Variants in DARS2 observed in about 807,000 individuals in gnomAD.
DARS2 encodes the protein aspartate--tRNA ligase, mitochondrial.
Under a neutral mutation model 83.0 loss-of-function variants are expected in DARS2, and 63 were observed. The ratio of observed to expected loss-of-function variants is 0.76; its 90% confidence interval spans 0.62 to 0.94. The LOEUF (loss-of-function observed/expected upper bound fraction) is 0.94. Ranked by LOEUF, DARS2 falls within the 40% of genes least tolerant of loss-of-function variation. DARS2 has a pLI of 0.00. For missense variants in DARS2, 675 were observed against 774.4 expected, an observed-to-expected ratio of 0.87 and a Z score of 1.52; for synonymous variants, 250 against 269.3, an observed-to-expected ratio of 0.93 and a Z score of 0.70.
At position 173,832,694 on chromosome 1, in the gene DARS2, G is replaced by A. The variant is rs964976855; in HGVS notation, c.493-682G>A. 1.3e-4 allele frequency among the ~76,000 whole-genome samples: 19 copies of A among 151,298 alleles called. No homozygotes were observed. In the South Asian group the frequency reaches 1.5e-3, roughly 12 times the overall value. ...TGAGGCAGGAGAATCGCTTGAACCCGGGAGGCAGAGGTTGCAGTGAGCCGA... is the reference window on the plus strand; with the variant it reads ...TGAGGCAGGAGAATCGCTTGAACCCAGGAGGCAGAGGTTGCAGTGAGCCGA... On this transcript the variant is annotated intron_variant, in intron 5 of 16. Coordinates refer to ENST00000649689, the MANE Select transcript of DARS2 (RefSeq NM_018122.5).
intron 4 of DARS2, among the ~76,000 whole-genome samples, chr1:173,831,082 A>C (rs889024309): frequency 6.6e-6 from 1 of 151,994 alleles, no homozygotes; most frequent in South Asian, 2.1e-4. Flanking sequence ...ACGCCCAGCT[A>C]ATTTTTATAT....
intron 15 of DARS2, among the ~76,000 whole-genome samples, chr1:173,854,969 G>A (rs1163784175): frequency 2.6e-5 from 4 of 152,134 alleles, no homozygotes; most frequent in African/African-American, 7.2e-5. Context: ...AGAGAGTCTG[G>A]TCCTAAAAGA....
chr1:173,855,817 ATTT>A (rs57005267), intron 15 of DARS2, among the ~76,000 whole-genome samples: 6 of 139,780 alleles, frequency 4.3e-5, no homozygotes, highest in South Asian at 2.3e-4. Context: ...CACGCCCAGC[ATTT>A]TTTTTTTTTT....
intron 7 of DARS2, among the ~76,000 whole-genome samples, chr1:173,834,744 T>TG (rs60713728): frequency 1.3e-4 from 17 of 127,804 alleles, no homozygotes; most frequent in African/African-American, 6.4e-4. Flanking sequence ...TTTTTTTTTT[T>TG]TTTTTTTTTT....
chr1:173,830,717 G>T lies in DARS2; in HGVS notation c.352G>T (p.Val118Leu), dbSNP rs1408671679. 1 of 1,614,062 alleles carries T rather than the reference G, an allele frequency of 6.2e-7. No homozygotes were observed. The highest frequency in any genetic ancestry group is 1.7e-4 in the Middle Eastern group (1 of 6,060). ...AGCCCCTGTGGAATCTGTGGTGCAA[G>T]TGTCTGGTACAGTCATTTCCCGTCC... ...CEAPVESVVQVSGTVISRPAG... is the reference protein window; with the variant it reads ...CEAPVESVVQLSGTVISRPAG... Residue 118 changes from valine to leucine, a missense_variant, in exon 4 of 17, where the codon GTG (valine) becomes TTG (leucine). Coordinates refer to ENST00000649689, the MANE Select transcript of DARS2 (RefSeq NM_018122.5).
At chr1:173,831,985 G>A (rs1049849035) in intron 5 of DARS2, among the ~76,000 whole-genome samples, 1 of 152,138 alleles carries the variant, frequency 6.6e-6, no homozygotes, top group Non-Finnish European at 1.5e-5. Flanking sequence ...TGGGACAGGG[G>A]ATCCTGTATC....
rs1057524364 is a variant in DARS2 at position 173,853,359 on chromosome 1, T to G, written c.1355T>G (p.Leu452Ter). The part of the protein sequence containing the change: ...AGEHNKACSL[L>*]GKLRLECADL... ...GTCTTCTGTTTGCAGTGCTCTTTGT[T>G]AGGAAAATTACGACTGGAATGTGCT... The change falls in exon 14 of 17, where the codon TTA (leucine) becomes TGA (stop). Residue 452 changes from leucine to a stop codon, truncating the protein, a stop_gained. Coordinates refer to ENST00000649689, the MANE Select transcript of DARS2 (RefSeq NM_018122.5). LOFTEE classifies it high-confidence loss of function. 1 of 1,613,668 alleles carries G rather than the reference T, an allele frequency of 6.2e-7. No individual in the cohort carries two copies. The highest frequency in any genetic ancestry group is 2.2e-5 in the East Asian group (1 of 44,866).
chr1:173,844,860 C>A (rs941399846), intron 11 of DARS2, among the ~76,000 whole-genome samples: 20 of 120,962 alleles, frequency 1.7e-4, no homozygotes, highest in African/African-American at 6.0e-4. Context: ...GTGGCACAAT[C>A]TCGGCTCACT....
chr1:173,831,017 A>G (rs1470431060), intron 4 of DARS2, among the ~76,000 whole-genome samples: 3 of 152,162 alleles, frequency 2.0e-5, no homozygotes, highest in African/African-American at 7.2e-5. Flanking sequence ...CCTGGGTTCA[A>G]GTGATTCTCC....
intron 11 of DARS2, among the ~76,000 whole-genome samples, 175 bp downstream of exon 11, chr1:173,841,148 G>A (rs1343087039): frequency 6.6e-6 from 1 of 152,100 alleles, no homozygotes; most frequent in African/African-American, 2.4e-5. Context: ...GCCGAGGCGT[G>A]TGGATCACTT....
intron 11 of DARS2, among the ~76,000 whole-genome samples, chr1:173,841,324 C>T (rs182027039): frequency 6.6e-6 from 1 of 151,596 alleles, no homozygotes; most frequent in African/African-American, 2.4e-5. Context: ...TTGCAGTGAG[C>T]TGAGATCATA....
chr1:173,845,260 T>C lies in DARS2; in HGVS notation c.1160T>C (p.Ile387Thr). ...TTAAAAAGGAAAGACATTGAATCCA[T>C]TAGAAACTTTGCAGCTGACCATTTT... ...KYLKRKDIES[I>T]RNFAADHFNQ... Residue 387 changes from isoleucine (I) to threonine (T), a missense_variant, in exon 12 of 17, where the codon ATT (isoleucine) becomes ACT (threonine). Transcript: ENST00000649689. 6.2e-7 allele frequency: 1 copy of C among 1,611,582 alleles called. No homozygotes were observed.
chr1:173,828,771 A>G (rs546360018), intron 3 of DARS2, among the ~76,000 whole-genome samples: 7 of 152,340 alleles, frequency 4.6e-5, no homozygotes, highest in African/African-American at 1.4e-4. Flanking sequence ...TGGAGGGAGT[A>G]CAAATTGGCA....
chr1:173,825,100 C>A lies in DARS2; in HGVS notation c.-130C>A. 1 of 1,343,950 alleles carries A rather than the reference C, an allele frequency of 7.4e-7. No individual in the cohort carries two copies. 83.3% of individuals were successfully genotyped at this position (1,343,950 alleles called of 1,614,324 possible). A position where few individuals can be genotyped will look rare whatever the true frequency, so the allele number is the denominator to read the frequency against. The stretch of plus-strand genomic sequence containing the variant: ...GTACTCCAATGTTGTGCGGAGGAGG[C>A]CTTAAATATTCGAGAAGAGAGTGGG... On this transcript the variant is annotated 5_prime_UTR_variant, in exon 1 of 17. Coordinates refer to ENST00000649689, the MANE Select transcript of DARS2 (RefSeq NM_018122.5).
chr1:173,850,103 C>T (rs1373140650), intron 12 of DARS2, among the ~76,000 whole-genome samples: 1 of 151,838 alleles, frequency 6.6e-6, no homozygotes, highest in Non-Finnish European at 1.5e-5. Context: ...CCACCCACCT[C>T]AGCCTCCCAA....
intron 11 of DARS2, among the ~76,000 whole-genome samples, chr1:173,844,669 CAAAAAAAAAAAAAAAAAAA>C (rs549839808): frequency 1.8e-3 from 55 of 29,930 alleles, no homozygotes; most frequent in South Asian, 8.4e-3. Flanking sequence ...GACTCCATCG[CAAAAAAAAAAAAAAAAAAA>C]AAAAAAAAAA....
Position 173,852,041 on chromosome 1 carries a change from G to A in DARS2, c.1345-1308G>A, listed in dbSNP as rs559073144. On this transcript the variant is annotated intron_variant, in intron 13 of 16. Transcript: ENST00000649689. ...AAACATGCTGGTGTTTCATTCTCAG[G>A]AAGTTATAGGTCTGATTCCTACAAG... 9.3e-5 allele frequency: 92 copies of A among 985,376 alleles called. No individual in the cohort carries two copies. The African/African-American group carries it at 1.5e-3, about 16-fold the overall frequency. 61.0% of individuals were successfully genotyped at this position (985,376 alleles called of 1,614,324 possible). A position where few individuals can be genotyped will look rare whatever the true frequency, so the allele number is the denominator to read the frequency against.
chr1:173,853,965 G>A (rs1653772820), intron 15 of DARS2, 60 bp downstream of exon 15: 2 of 1,444,966 alleles, frequency 1.4e-6, no homozygotes, highest in South Asian at 1.2e-5. Flanking sequence ...TTTCAGTTTT[G>A]TGTTGTTGTT....
rs1653908811 is a variant in DARS2 at position 173,857,807 on chromosome 1, A to G, written c.*102A>G. ...AGTTCTGCCACAGGTCTAACAATCA[A>G]GTCTTTAGATGGAAGGAATCCAGGC... On this transcript the variant is annotated 3_prime_UTR_variant, in exon 17 of 17. Coordinates refer to ENST00000649689, the MANE Select transcript of DARS2 (RefSeq NM_018122.5). 1 of 1,255,464 alleles carries G rather than the reference A, an allele frequency of 8.0e-7. No homozygotes were observed. 77.8% of individuals were successfully genotyped at this position (1,255,464 alleles called of 1,614,324 possible). A position where few individuals can be genotyped will look rare whatever the true frequency, so the allele number is the denominator to read the frequency against.
Sources: gnomAD v4.1 joint callset for allele counts (sites outside exome capture counted in the v4.1 genomes callset) on GRCh38, gnomAD v4.1.1 for gene constraint, MANE v1.5 for transcripts, NCBI Gene and HGNC (gene_info 2026-07-23, HGNC 2026-07-21) for gene names.